ROBO1: variants seen among roughly 807,000 people sequenced by gnomAD.
The protein encoded by ROBO1 is roundabout guidance receptor 1, also known as roundabout homolog 1.
Under a neutral mutation model 195.9 loss-of-function variants are expected in ROBO1, and 149 were observed. That is an observed-to-expected ratio of 0.76 (90% CI 0.67 to 0.87). The LOEUF (loss-of-function observed/expected upper bound fraction) is 0.87. ROBO1 is among the 40% of genes least tolerant of loss of function. ROBO1 has a pLI of 0.00. For missense variants in ROBO1, 1,933 were observed against 2,068.3 expected, an observed-to-expected ratio of 0.93 and a Z score of 1.27; for synonymous variants, 816 against 733.2, an observed-to-expected ratio of 1.11 and a Z score of -1.82.
intron 3 of ROBO1, among the ~76,000 whole-genome samples, chr3:78,999,422 C>T (rs947263365): frequency 6.6e-6 from 1 of 152,006 alleles, no homozygotes; most frequent in Non-Finnish European, 1.5e-5. Context: ...AGCCATTATC[C>T]TAAGCAAATT....
chr3:78,631,405 A>G, intron 24 of ROBO1, 100 bp from the exon 25 acceptor site: 1 of 1,281,850 alleles, frequency 7.8e-7, no homozygotes, highest in Non-Finnish European at 1.1e-6. Context: ...TTTATAATTC[A>G]TTTATATATA....
At chr3:79,350,534 C>A (rs2035301165) in intron 2 of ROBO1, among the ~76,000 whole-genome samples, 1 of 152,102 alleles carries the variant, frequency 6.6e-6, no homozygotes, top group South Asian at 2.1e-4. Context: ...GTAGAAACTA[C>A]AATCCAAATG....
At chr3:79,152,703 C>T (rs942880539) in intron 2 of ROBO1, among the ~76,000 whole-genome samples, 6 of 151,442 alleles carry the variant, frequency 4.0e-5, no homozygotes, top group Admixed American at 6.6e-5. Flanking sequence ...GACAAGAAAC[C>T]GAAATAACAG....
chr3:79,729,114 T>C (rs549858157), intron 1 of ROBO1, among the ~76,000 whole-genome samples: 26 of 152,220 alleles, frequency 1.7e-4, no homozygotes, highest in Non-Finnish European at 3.4e-4. Context: ...AGCCATGTAA[T>C]GTTCCTTGGT....
chr3:79,704,200 A>G (rs1371597214), intron 1 of ROBO1, among the ~76,000 whole-genome samples: 2 of 151,868 alleles, frequency 1.3e-5, no homozygotes, highest in Non-Finnish European at 2.9e-5. Flanking sequence ...CTACAATATC[A>G]CTCAATGTCC....
intron 3 of ROBO1, among the ~76,000 whole-genome samples, chr3:79,043,738 C>T (rs2078532620): frequency 6.6e-6 from 1 of 152,014 alleles, no homozygotes; most frequent in African/African-American, 2.4e-5. Context: ...GAAATGTATA[C>T]AGCAACCACC....
At chr3:79,545,551 C>A (rs533056298) in intron 2 of ROBO1, among the ~76,000 whole-genome samples, 1 of 152,258 alleles carries the variant, frequency 6.6e-6, no homozygotes, top group African/African-American at 2.4e-5. Context: ...GAAGTTTTAT[C>A]TTGGGAAATA....
At chr3:79,407,077 C>G (rs1234407766) in intron 2 of ROBO1, among the ~76,000 whole-genome samples, 4 of 151,986 alleles carry the variant, frequency 2.6e-5, no homozygotes, top group Non-Finnish European at 4.4e-5. Context: ...AGCTACCATG[C>G]CTTGCTAATT....
chr3:79,661,815 A>G (rs1946337280), intron 1 of ROBO1, among the ~76,000 whole-genome samples: 1 of 152,090 alleles, frequency 6.6e-6, no homozygotes, highest in African/African-American at 2.4e-5. Flanking sequence ...TTTGAAAATA[A>G]CTTAGATGCT....
chr3:79,008,932 T>TGTGTGTGTGTGTGTGTG (rs1559586315), intron 3 of ROBO1, among the ~76,000 whole-genome samples: 1 of 141,618 alleles, frequency 7.1e-6, no homozygotes, highest in African/African-American at 2.6e-5. Flanking sequence ...TGTGTGTGTA[T>TGTGTGTGTGTGTGTGTG]GGTTTTGTTT....
intron 3 of ROBO1, among the ~76,000 whole-genome samples, chr3:78,973,917 T>C (rs938260598): frequency 6.6e-6 from 1 of 152,090 alleles, no homozygotes; most frequent in Non-Finnish European, 1.5e-5. Flanking sequence ...CTTGAGTGTG[T>C]ATCATATTTT....
At chr3:79,036,552 C>A (rs984672496) in intron 3 of ROBO1, among the ~76,000 whole-genome samples, 11 of 152,020 alleles carry the variant, frequency 7.2e-5, no homozygotes, top group South Asian at 4.2e-4. Flanking sequence ...TTTATTAAAA[C>A]CACAAACACT....
chr3:78,932,418 G>T (rs2039580931), intron 4 of ROBO1, among the ~76,000 whole-genome samples: 1 of 152,120 alleles, frequency 6.6e-6, no homozygotes, highest in African/African-American at 2.4e-5. Context: ...AAAATAAAAG[G>T]AGTAGTTCAT....
At chr3:78,947,769 C>T (rs973151101) in intron 3 of ROBO1, among the ~76,000 whole-genome samples, 57 of 152,176 alleles carry the variant, frequency 3.7e-4, no homozygotes, top group African/African-American at 1.3e-3. Context: ...AACTGATAGA[C>T]CGCTAGCAAG....
intron 4 of ROBO1, among the ~76,000 whole-genome samples, chr3:78,872,670 G>A (rs781466258): frequency 2.0e-5 from 3 of 152,168 alleles, no homozygotes; most frequent in African/African-American, 4.8e-5. Flanking sequence ...TGTCAGGGAG[G>A]AAGTGGGGCA....
chr3:79,375,863 G>C (rs2036365556), intron 2 of ROBO1, among the ~76,000 whole-genome samples: 1 of 152,094 alleles, frequency 6.6e-6, no homozygotes, highest in South Asian at 2.1e-4. Flanking sequence ...GCAACAAAAG[G>C]CTTGAGTTTA....
rs1202698209 is a variant in ROBO1, at chr3:78,831,720, T to C, written c.500-84820A>G. On this transcript the variant is annotated intron_variant, in intron 4 of 30. Coordinates refer to ENST00000464233, the MANE Select transcript of ROBO1 (RefSeq NM_002941.4). ...GTGTAATTTATAAAGGAAAGAGTTTTAATTGACTCACAGTTTCACAAGGCT... is the reference window on the plus strand; with the variant it reads ...GTGTAATTTATAAAGGAAAGAGTTTCAATTGACTCACAGTTTCACAAGGCT... Among the ~76,000 whole-genome samples the C allele has an allele frequency of 3.9e-5, 6 of 152,224 alleles. No individual in the cohort carries two copies. The East Asian group carries it at 1.2e-3, about 29-fold the overall frequency.
chr3:79,276,078 C>G (rs2031010786), intron 2 of ROBO1, among the ~76,000 whole-genome samples: 1 of 151,970 alleles, frequency 6.6e-6, no homozygotes, highest in Non-Finnish European at 1.5e-5. Flanking sequence ...AATGCAATCC[C>G]TATCAAAATA....
intron 8 of ROBO1, among the ~76,000 whole-genome samples, chr3:78,713,421 G>A (rs912352957): frequency 6.6e-6 from 1 of 152,004 alleles, no homozygotes; most frequent in African/African-American, 2.4e-5. Flanking sequence ...GCTAATGTTA[G>A]ACCCCAAAAC....
Sources: allele counts gnomAD v4.1 joint callset (sites outside exome capture counted in the v4.1 genomes callset), GRCh38; gene constraint gnomAD v4.1.1; transcripts MANE v1.5; gene names NCBI Gene and HGNC (gene_info 2026-07-23, HGNC 2026-07-21).